The following NPAS3 variants were observed in gnomAD, a reference collection of about 807,000 sequenced individuals.
The protein encoded by NPAS3 is neuronal PAS domain-containing protein 3.
In NPAS3, 14 loss-of-function variants were observed where a neutral mutation model predicts 73.1. The observed-to-expected ratio is 0.19, with a 90% CI of 0.13 to 0.30. NPAS3 has a LOEUF of 0.30. Ranked by LOEUF, NPAS3 falls within the 10% of genes least tolerant of loss-of-function variation. The pLI is 1.00. For synonymous variants in NPAS3, 620 were observed against 541.5 expected (o/e 1.14, Z -2.01); for missense variants, 1,096 against 1,250.0 (o/e 0.88, Z 1.86).
At chr14:33,350,476 G>T (rs55657536) in intron 3 of NPAS3, among the ~76,000 whole-genome samples, 39,988 of 152,122 alleles carry the variant, frequency 0.26, 7,403 homozygotes, top group African/African-American at 0.53. Context: ...CTACCTGTTT[G>T]CTTCCTTTTG....
At chr14:33,102,881 G>A (rs1373334937) in intron 2 of NPAS3, among the ~76,000 whole-genome samples, 1 of 152,122 alleles carries the variant, frequency 6.6e-6, no homozygotes, top group East Asian at 1.9e-4. Flanking sequence ...ATTTACCAAG[G>A]TAACTGCTTA....
intron 5 of NPAS3, among the ~76,000 whole-genome samples, chr14:33,600,282 T>C (rs1222284821): frequency 6.6e-6 from 1 of 152,192 alleles, no homozygotes; most frequent in Non-Finnish European, 1.5e-5. Flanking sequence ...CAAATCAAAC[T>C]CCACTCCCCC....
intron 3 of NPAS3, among the ~76,000 whole-genome samples, chr14:33,262,778 A>T (rs1330648300): frequency 6.6e-6 from 1 of 152,192 alleles, no homozygotes; most frequent in African/African-American, 2.4e-5. Flanking sequence ...TTTAAAAATG[A>T]TTTGAAAAAG....
At position 33,056,110 on chromosome 14, in the gene NPAS3, A is replaced by AG. The variant is rs2040878003; in HGVS notation, c.140+117dup. 4.0e-5 allele frequency: 17 copies of AG among 429,428 alleles called. No homozygotes were observed. The South Asian group carries it at 5.4e-4, about 14-fold the overall frequency. The allele number at this position is 429,428 out of a possible 1,614,324, so 26.6% of individuals were successfully genotyped here. ...TTCTTTTTATCTAATTTAGTGGGGG[A>AG]GAAAAAAAAACAAAAAAACAAACCA... On this transcript the variant is annotated intron_variant, in intron 2 of 11. Transcript: ENST00000356141.
intron 1 of NPAS3, among the ~76,000 whole-genome samples, chr14:32,962,569 C>CTTTTTTTTTTTTTTTTTTTTTT (rs71432096): frequency 1.8e-5 from 2 of 110,612 alleles, no homozygotes; most frequent in African/African-American, 3.7e-5. Flanking sequence ...TTTTTCTTTT[C>CTTTTTTTTTTTTTTTTTTTTTT]TTTTTTTTTT....
intron 4 of NPAS3, among the ~76,000 whole-genome samples, chr14:33,519,541 G>A: frequency 6.6e-6 from 1 of 152,152 alleles, no homozygotes; most frequent in East Asian, 1.9e-4. Context: ...ATCAGGGTTT[G>A]CTGCGTATTA....
At chr14:33,403,059 G>T (rs952229602) in intron 4 of NPAS3, among the ~76,000 whole-genome samples, 2 of 151,952 alleles carry the variant, frequency 1.3e-5, no homozygotes, top group Non-Finnish European at 2.9e-5. Flanking sequence ...AATCAAAGAG[G>T]AACTCTTAAT....
At chr14:33,011,711 C>A (rs2039204106) in intron 1 of NPAS3, among the ~76,000 whole-genome samples, 1 of 152,138 alleles carries the variant, frequency 6.6e-6, no homozygotes, top group Admixed American at 6.6e-5. Flanking sequence ...GTGCTACTTA[C>A]ACTTCGAAAA....
At chr14:33,367,895 A>G (rs2045914284) in intron 4 of NPAS3, among the ~76,000 whole-genome samples, 2 of 152,192 alleles carry the variant, frequency 1.3e-5, no homozygotes, top group African/African-American at 2.4e-5. Context: ...GAGAAAATTC[A>G]TTGCAAACTC....
rs186410658 is a variant in NPAS3, at chr14:33,069,520, G to A, written c.140+13526G>A. Among the ~76,000 whole-genome samples the A allele has an allele frequency of 1.6e-3, 241 of 152,294 alleles. 1 individual carries two copies. The highest frequency in any genetic ancestry group is 5.3e-3 in the African/African-American group (222 of 41,560). The stretch of plus-strand genomic sequence containing the variant: ...TAAGTGTGCAGGCTATGATGGAGAC[G>A]GATGTATTCAAACCCTAGTTCCATT... On this transcript the variant is annotated intron_variant, in intron 2 of 11. Coordinates refer to ENST00000356141, the Ensembl canonical transcript of NPAS3.
chr14:33,374,950 A>G (rs1270932354), intron 4 of NPAS3, among the ~76,000 whole-genome samples: 2 of 152,176 alleles, frequency 1.3e-5, no homozygotes, highest in Admixed American at 1.3e-4. Context: ...TGAAACAGTG[A>G]TATCTTCAAG....
rs374664088 is a variant in NPAS3 at position 33,051,102 on chromosome 14, G to A, written c.51-4803G>A. Among the ~76,000 whole-genome samples the A allele has an allele frequency of 1.6e-3, 240 of 150,892 alleles. 1 individual carries two copies. The highest frequency in any genetic ancestry group is 5.5e-3 in the African/African-American group (224 of 40,720). ...ATCCTGGCTAACAAGGTGAAACCCC[G>A]TCTCTACTAAAAATACAAAAAATTA... On this transcript the variant is annotated intron_variant, in intron 1 of 11. Transcript: ENST00000356141.
chr14:33,198,779 A>G (rs1179251527), intron 2 of NPAS3, among the ~76,000 whole-genome samples: 3 of 152,182 alleles, frequency 2.0e-5, no homozygotes, highest in Non-Finnish European at 2.9e-5. Flanking sequence ...ACCGGACGCC[A>G]TGGAGCAGGG....
chr14:33,384,929 G>A (rs2046713662), intron 4 of NPAS3, among the ~76,000 whole-genome samples: 1 of 152,114 alleles, frequency 6.6e-6, no homozygotes, highest in Admixed American at 6.6e-5. Flanking sequence ...ACACGTTGGG[G>A]ATTGAGATGG....
At chr14:33,296,946 C>A (rs34923677) in intron 3 of NPAS3, among the ~76,000 whole-genome samples, 56,786 of 152,064 alleles carry the variant, frequency 0.37, 10,879 homozygotes, top group African/African-American at 0.43. Flanking sequence ...CTTGAGCCAG[C>A]AGGCAGTGCT....
intron 2 of NPAS3, among the ~76,000 whole-genome samples, chr14:33,197,237 C>CTGTCTGTGTGTGTG (rs1555353810): frequency 7.4e-6 from 1 of 135,214 alleles, no homozygotes; most frequent in Non-Finnish European, 1.6e-5. Context: ...CTCCAGCAGG[C>CTGTCTGTGTGTGTG]TGTGTGTGTG....
intron 5 of NPAS3, among the ~76,000 whole-genome samples, chr14:33,660,915 T>C (rs2140273558): frequency 6.6e-6 from 1 of 152,342 alleles, no homozygotes. Context: ...TGTATTCACA[T>C]GTAATACTTG....
intron 2 of NPAS3, among the ~76,000 whole-genome samples, chr14:33,103,251 A>G (rs919150416): frequency 2.6e-5 from 4 of 152,182 alleles, no homozygotes; most frequent in African/African-American, 9.6e-5. Context: ...AGAAGCCCTG[A>G]CCCTTCTACT....
At chr14:33,052,924 C>A (rs907441674) in intron 1 of NPAS3, among the ~76,000 whole-genome samples, 1 of 151,952 alleles carries the variant, frequency 6.6e-6, no homozygotes, top group Non-Finnish European at 1.5e-5. Context: ...TTCAGTTGAA[C>A]GTGAAATGTG....
Sources: allele counts gnomAD v4.1 joint callset (sites outside exome capture counted in the v4.1 genomes callset), GRCh38; gene constraint gnomAD v4.1.1; transcripts MANE v1.5; gene names NCBI Gene and HGNC (gene_info 2026-07-23, HGNC 2026-07-21).